IQANK1: variants seen among roughly 807,000 people sequenced by gnomAD.
The protein encoded by IQANK1 is IQ motif and ankyrin repeat domain-containing protein 1.
IQANK1 carries 30 observed loss-of-function variants against 22.6 expected under a neutral mutation model. The ratio of observed to expected loss-of-function variants is 1.33; its 90% CI spans 0.99 to 1.80. The LOEUF is 1.80. Among genes scored for constraint, IQANK1 ranks in the 40% most tolerant of loss-of-function variants. IQANK1 has a pLI of 0.00. For synonymous variants in IQANK1, 122 were observed against 99.6 expected (o/e 1.23, Z -1.34); for missense variants, 275 against 235.2 (o/e 1.17, Z -1.11).
chr8:143,739,919 C>G lies in IQANK1; in HGVS notation c.146C>G (p.Ala49Gly). 1.4e-6 allele frequency: 1 copy of G among 699,448 alleles called. No homozygotes were observed. The allele number at this position is 699,448 out of a possible 1,614,324, so 43.3% of individuals were successfully genotyped here. A position where few individuals can be genotyped will look rare whatever the true frequency, so the allele number is the denominator to read the frequency against. ...RKAGWQAREP[A>G]SAESPQAPTG... is the part of the protein sequence containing the mutation. ...GCGGGCTGGCAGGCGAGGGAGCCCG[C>G]GTCGGCTGAGAGCCCACAGGCCCCC... Residue 49 changes from alanine to glycine, a missense_variant, in exon 3 of 14, where the codon GCG becomes GGG. Coordinates refer to ENST00000527139, the MANE Select transcript of IQANK1 (RefSeq NM_001381874.1).
chr8:143,754,714 C>T (rs1554628353), intron 3 of IQANK1, among the ~76,000 whole-genome samples: 2 of 152,130 alleles, frequency 1.3e-5, no homozygotes, highest in East Asian at 1.9e-4. Flanking sequence ...CAAGCTCCGC[C>T]TTCTGGGTTC....
chr8:143,763,965 C>A (rs1049095613), intron 3 of IQANK1, among the ~76,000 whole-genome samples: 2 of 152,088 alleles, frequency 1.3e-5, no homozygotes, highest in African/African-American at 2.4e-5. Flanking sequence ...TAATTCATTT[C>A]AACGGAGTCA....
intron 7 of IQANK1, among the ~76,000 whole-genome samples, chr8:143,785,519 G>T (rs1446351645): frequency 6.6e-6 from 1 of 151,490 alleles, no homozygotes; most frequent in African/African-American, 2.4e-5. Flanking sequence ...GCTTCCCAAA[G>T]TGCTGAGATT....
intron 2 of IQANK1, chr8:143,739,577 GC>G: frequency 2.7e-6 from 1 of 364,746 alleles, no homozygotes; most frequent in Middle Eastern, 7.3e-4. Context: ...TCTAGCAGAG[GC>G]ACCACCTGCC....
Position 143,774,422 on chromosome 8 carries a change from A to G in IQANK1, c.789+1940A>G, listed in dbSNP as rs1219250278. Among the ~76,000 whole-genome samples the G allele has an allele frequency of 3.9e-5, 6 of 152,220 alleles. No homozygotes were observed. Among genetic ancestry groups the G allele is most frequent in the Admixed American group, 6.5e-5 (1 of 15,290 alleles). On this transcript the variant is annotated intron_variant, in intron 7 of 13. Transcript: ENST00000527139. This position sits in a 1 kb window ranked among gnomAD's most constrained non-coding sequence, Gnocchi z 4.2. ...GAGAAATTTCACCAAAGAGGATCTA[A>G]TGATGGCAGATGAACACCCGAGGAG...
chr8:143,752,465 C>G (rs1401798020), intron 3 of IQANK1, among the ~76,000 whole-genome samples: 1 of 152,030 alleles, frequency 6.6e-6, no homozygotes, highest in Non-Finnish European at 1.5e-5. Flanking sequence ...GTTCATTTTA[C>G]TTGGAGTTAC....
intron 2 of IQANK1, among the ~76,000 whole-genome samples, chr8:143,737,609 A>C (rs1043235274): frequency 1.1e-4 from 16 of 152,142 alleles, no homozygotes; most frequent in Non-Finnish European, 2.2e-4. Context: ...CCAACACAAC[A>C]GTCCGGGACC....
At chr8:143,734,532 C>A (rs1479690208) in intron 1 of IQANK1, among the ~76,000 whole-genome samples, 1 of 151,532 alleles carries the variant, frequency 6.6e-6, no homozygotes, top group Non-Finnish European at 1.5e-5. Context: ...TGTACACCAA[C>A]CCCCAAGCAC....
chr8:143,790,115 G>T (rs1819999127), intron 12 of IQANK1, 22 bp from the exon 13 acceptor site: 1 of 1,231,980 alleles, frequency 8.1e-7, no homozygotes, highest in Non-Finnish European at 1.0e-6. Flanking sequence ...ACAGACAGCA[G>T]TGACCTGATG....
chr8:143,774,665 A>G lies in IQANK1; in HGVS notation c.789+2183A>G, dbSNP rs1554630155. 6.6e-6 allele frequency among the ~76,000 whole-genome samples: 1 copy of G among 152,236 alleles called. No individual in the cohort carries two copies. Among genetic ancestry groups the G allele is most frequent in the East Asian group, 1.9e-4 (1 of 5,202 alleles). On this transcript the variant is annotated intron_variant, in intron 7 of 13. Transcript: ENST00000527139. The surrounding 1 kb of genome is among the most constrained non-coding windows in gnomAD (Gnocchi z 4.2). ...AGACTCCTAGACATTTGCTCCAGTA[A>G]AAGGAAAACTAGGTCCACACAAAAA... is the stretch of plus-strand genomic sequence containing the variant.
chr8:143,783,978 T>A (rs782063441), intron 7 of IQANK1, among the ~76,000 whole-genome samples: 2 of 152,220 alleles, frequency 1.3e-5, no homozygotes, highest in Non-Finnish European at 2.9e-5. Flanking sequence ...ACAGCAGCTT[T>A]ATAACAAGTC....
rs1311763899 is a variant in IQANK1 at position 143,772,347 on chromosome 8, C to T, written c.664-10C>T. 6 of 398,864 alleles carry T rather than the reference C, an allele frequency of 1.5e-5. No homozygotes were observed. The highest frequency in any genetic ancestry group is 1.8e-5 in the Non-Finnish European group (4 of 226,098). The allele number at this position is 398,864 out of a possible 1,614,324, so 24.7% of individuals were successfully genotyped here. ...AGGCCTGGATCTTGCTCGGGGGGCC[C>T]GTCTTGCAGGGCGCTTTCGGTCCGA... On this transcript the variant is annotated splice_polypyrimidine_tract_variant and intron_variant, in intron 6 of 13. Transcript: ENST00000527139.
chr8:143,759,099 T>G (rs1019870112), intron 3 of IQANK1: 1 of 324,006 alleles, frequency 3.1e-6, no homozygotes, highest in Non-Finnish European at 6.1e-6. Flanking sequence ...AATACTGATC[T>G]TCGACTGCCA....
intron 3 of IQANK1, chr8:143,742,954 C>T: frequency 2.2e-6 from 1 of 456,110 alleles, no homozygotes; most frequent in South Asian, 1.5e-5. Context: ...CCCGGCACAG[C>T]CTAGATCTAT....
At chr8:143,743,811 G>A (rs1554626930) in intron 3 of IQANK1, 3 of 419,288 alleles carry the variant, frequency 7.2e-6, no homozygotes, top group Non-Finnish European at 1.4e-5. Flanking sequence ...ATATATTGTA[G>A]TTTTTAGTTT....
At chr8:143,755,657 C>T (rs577221998) in intron 3 of IQANK1, among the ~76,000 whole-genome samples, 89 of 152,332 alleles carry the variant, frequency 5.8e-4, no homozygotes, top group African/African-American at 1.9e-3. Context: ...AGCCACTGTG[C>T]CTGGCCAGAA....
intron 3 of IQANK1, among the ~76,000 whole-genome samples, chr8:143,753,813 C>T (rs1476850980): frequency 2.0e-5 from 3 of 152,124 alleles, no homozygotes; most frequent in Non-Finnish European, 4.4e-5. Flanking sequence ...CCATACTTTC[C>T]TGTTTCTTTG....
intron 7 of IQANK1, among the ~76,000 whole-genome samples, chr8:143,776,285 C>T (rs1380810662): frequency 1.7e-5 from 2 of 118,100 alleles, no homozygotes; most frequent in Admixed American, 2.2e-4. Flanking sequence ...GGCGCCACTG[C>T]AGTCCGCAGT....
In IQANK1 at chr8:143,789,260, G is replaced by C; in HGVS notation, c.993+17G>C. ...CACAAGGAGGTGAGTGTGACCTCAG[G>C]GAGGAGCCAGGAAAGGAGGAGGGAG... On this transcript the variant is annotated intron_variant, in intron 9 of 13. Coordinates refer to ENST00000527139, the MANE Select transcript of IQANK1 (RefSeq NM_001381874.1). 1 of 401,008 alleles carries C rather than the reference G, an allele frequency of 2.5e-6. No homozygotes were observed. Among genetic ancestry groups the C allele is most frequent in the Non-Finnish European group, 4.4e-6 (1 of 227,706 alleles). 24.8% of individuals were successfully genotyped at this position (401,008 alleles called of 1,614,324 possible).
Sources: gnomAD v4.1 joint callset for allele counts (sites outside exome capture counted in the v4.1 genomes callset) on GRCh38, gnomAD v4.1.1 for gene constraint, Gnocchi (gnomAD v3.1) non-coding constraint, MANE v1.5 for transcripts, NCBI Gene and HGNC (gene_info 2026-07-23, HGNC 2026-07-21) for gene names.